PCDH15: variants seen among roughly 807,000 people sequenced by gnomAD.
The protein encoded by PCDH15 is protocadherin related 15.
Under a neutral mutation model 178.5 loss-of-function variants are expected in PCDH15, and 129 were observed. That is an observed-to-expected ratio of 0.72 (90% CI 0.63 to 0.84). The LOEUF is 0.84. Among genes scored for constraint, PCDH15 ranks in the 40% least tolerant of loss-of-function variants. The pLI is 0.00. For missense variants in PCDH15, 2,230 were observed against 2,099.9 expected (o/e 1.06, Z -1.21); for synonymous variants, 800 against 732.0 (o/e 1.09, Z -1.50).
intron 26 of PCDH15, among the ~76,000 whole-genome samples, chr10:53,888,080 T>G (rs1000092739): frequency 6.6e-6 from 1 of 151,548 alleles, no homozygotes; most frequent in Non-Finnish European, 1.5e-5. Context: ...GAAGAGAATA[T>G]ATAGTTTAAA....
At chr10:55,205,733 C>T (rs1405546930) in intron 1 of PCDH15, among the ~76,000 whole-genome samples, 1 of 151,836 alleles carries the variant, frequency 6.6e-6, no homozygotes, top group African/African-American at 2.4e-5. Context: ...AAGCATATTG[C>T]ATGTATTTTG....
chr10:54,573,128 A>G (rs1233951621), intron 2 of PCDH15, among the ~76,000 whole-genome samples: 2 of 152,114 alleles, frequency 1.3e-5, no homozygotes, highest in Non-Finnish European at 2.9e-5. Context: ...ATGCGTATAT[A>G]TAATTTTTCT....
chr10:54,842,634 T>C lies in PCDH15; in HGVS notation c.-29+54816A>G, dbSNP rs1339077005. Among the ~76,000 whole-genome samples, 6 of 151,932 alleles carry C rather than the reference T, an allele frequency of 3.9e-5. No homozygotes were observed. The East Asian group carries it at 9.6e-4, about 24-fold the overall frequency. On this transcript the variant is annotated intron_variant, in intron 3 of 5. Transcript: ENST00000458638. Reference sequence around the variant, plus strand: ...TATAAAGTCAAAGAATCTTAATGTATTTGTGGACTTTGTAGTTAGTCTGCT... The same window carrying C: ...TATAAAGTCAAAGAATCTTAATGTACTTGTGGACTTTGTAGTTAGTCTGCT...
intron 1 of PCDH15, among the ~76,000 whole-genome samples, chr10:54,667,823 A>C (rs565175242): frequency 7.9e-5 from 12 of 152,226 alleles, no homozygotes; most frequent in African/African-American, 2.4e-4. Flanking sequence ...AGAGATAATT[A>C]AATTGGTGTA....
chr10:54,756,487 A>G (rs986967165), intron 1 of PCDH15, among the ~76,000 whole-genome samples: 1 of 152,162 alleles, frequency 6.6e-6, no homozygotes, highest in Non-Finnish European at 1.5e-5. Context: ...TCAATATAGA[A>G]TAAGCCATGC....
intron 2 of PCDH15, among the ~76,000 whole-genome samples, chr10:55,555,286 A>G (rs1300659828): frequency 6.6e-6 from 1 of 152,106 alleles, no homozygotes; most frequent in Non-Finnish European, 1.5e-5. Flanking sequence ...TGGGCTCTTC[A>G]ATTATATAAT....
chr10:54,622,098 T>C (rs1419182402), intron 2 of PCDH15, among the ~76,000 whole-genome samples: 3 of 148,508 alleles, frequency 2.0e-5, no homozygotes, highest in Non-Finnish European at 4.5e-5. Flanking sequence ...AGAATGAGAG[T>C]CTGTGGGGAA....
intron 2 of PCDH15, among the ~76,000 whole-genome samples, chr10:55,400,818 C>CAGATGAAT (rs1351865279): frequency 6.6e-6 from 1 of 152,028 alleles, no homozygotes; most frequent in Non-Finnish European, 1.5e-5. Flanking sequence ...CATCTCTGCC[C>CAGATGAAT]AGATGAATCC....
chr10:54,953,832 A>C (rs905507681), intron 2 of PCDH15, among the ~76,000 whole-genome samples: 1 of 151,256 alleles, frequency 6.6e-6, no homozygotes, highest in Non-Finnish European at 1.5e-5. Context: ...AAACATTTTT[A>C]TCTTATGTCC....
intron 5 of PCDH15, among the ~76,000 whole-genome samples, chr10:54,358,782 C>A (rs1371910322): frequency 6.6e-6 from 1 of 151,782 alleles, no homozygotes; most frequent in Non-Finnish European, 1.5e-5. Context: ...CAGTGATAGA[C>A]TGGATTAAGA....
chr10:55,254,309 TA>T (rs1200305572), intron 1 of PCDH15, among the ~76,000 whole-genome samples: 1 of 152,182 alleles, frequency 6.6e-6, no homozygotes, highest in East Asian at 1.9e-4. Flanking sequence ...TCTATGTGGT[TA>T]TGGTTATAAA....
At chr10:54,169,683 A>T (rs188940727) in intron 13 of PCDH15, among the ~76,000 whole-genome samples, 1 of 150,492 alleles carries the variant, frequency 6.6e-6, no homozygotes, top group East Asian at 2.0e-4. Context: ...CTTGGCGACC[A>T]ATCATGCACC....
intron 8 of PCDH15, among the ~76,000 whole-genome samples, chr10:54,266,210 A>G (rs7090985): frequency 0.7 from 106,511 of 151,474 alleles, 38,339 homozygotes; most frequent in Middle Eastern, 0.76. Context: ...AATGACTTTC[A>G]TTTGGGTAAA....
intron 2 of PCDH15, among the ~76,000 whole-genome samples, chr10:55,002,156 T>C (rs1010790415): frequency 1.3e-5 from 2 of 152,156 alleles, no homozygotes; most frequent in Non-Finnish European, 2.9e-5. Flanking sequence ...TAAAAGAAAA[T>C]ATTGTGTGGT....
At chr10:55,010,197 T>TA (rs1179276880) in intron 2 of PCDH15, among the ~76,000 whole-genome samples, 1 of 151,544 alleles carries the variant, frequency 6.6e-6, no homozygotes, top group African/African-American at 2.4e-5. Context: ...AGTAAAAAAC[T>TA]AAAAAAGGAA....
intron 2 of PCDH15, among the ~76,000 whole-genome samples, chr10:55,435,992 T>C (rs147790968): frequency 8.8e-4 from 134 of 152,238 alleles, no homozygotes; most frequent in African/African-American, 3.0e-3. Context: ...TAACATTCCA[T>C]AGTCACAAAT....
At chr10:54,465,465 T>A (rs1298270420) in intron 3 of PCDH15, among the ~76,000 whole-genome samples, 1 of 152,044 alleles carries the variant, frequency 6.6e-6, no homozygotes, top group Non-Finnish European at 1.5e-5. Flanking sequence ...TTACCTTTTT[T>A]AGCCCCACAT....
At chr10:55,552,386 C>T (rs1842018559) in intron 2 of PCDH15, among the ~76,000 whole-genome samples, 1 of 151,524 alleles carries the variant, frequency 6.6e-6, no homozygotes, top group South Asian at 2.1e-4. Context: ...CTTAAAGGTA[C>T]TGCCAGTATT....
chr10:53,992,069 G>A (rs751853296), intron 21 of PCDH15, among the ~76,000 whole-genome samples: 7 of 151,726 alleles, frequency 4.6e-5, no homozygotes, highest in African/African-American at 7.3e-5. Flanking sequence ...CACTTGCTGC[G>A]AAGGTCTGCA....
Sources: allele counts gnomAD v4.1 joint callset (sites outside exome capture counted in the v4.1 genomes callset), GRCh38; gene constraint gnomAD v4.1.1; transcripts MANE v1.5; gene names NCBI Gene and HGNC (gene_info 2026-07-23, HGNC 2026-07-21).